The following PGS1 variants were observed in gnomAD, a reference collection of about 807,000 sequenced individuals.
PGS1 encodes the protein CDP-diacylglycerol--glycerol-3-phosphate 3-phosphatidyltransferase, mitochondrial.
PGS1 carries 44 observed loss-of-function variants against 58.3 expected under a neutral mutation model. The observed-to-expected ratio is 0.75, with a 90% CI of 0.59 to 0.97. The LOEUF (loss-of-function observed/expected upper bound fraction) is 0.97, where lower values mean the gene tolerates loss of function less well. Ranked by LOEUF, PGS1 falls within the 50% of genes least tolerant of loss-of-function variation. The pLI, the probability that PGS1 is intolerant of heterozygous loss-of-function variation, is 0.00. For synonymous variants in PGS1, 330 were observed against 311.0 expected (o/e 1.06, Z -0.64); for missense variants, 684 against 731.1 (o/e 0.94, Z 0.74).
intron 1 of PGS1, among the ~76,000 whole-genome samples, chr17:78,379,624 A>C (rs2081892663): frequency 6.6e-6 from 1 of 151,952 alleles, no homozygotes; most frequent in African/African-American, 2.4e-5. Context: ...TCAGGAGTTT[A>C]AGACCAGCCT....
At chr17:78,420,518 G>C (rs531736904) in intron 9 of PGS1, 1 of 147,982 alleles carries the variant, frequency 6.8e-6, no homozygotes, top group South Asian at 2.1e-4. Flanking sequence ...TTGGATGGCT[G>C]GGCCTTTGGA....
intron 7 of PGS1, among the ~76,000 whole-genome samples, chr17:78,413,911 C>T (rs921978931): frequency 6.6e-6 from 1 of 151,914 alleles, no homozygotes; most frequent in Non-Finnish European, 1.5e-5. Context: ...CGTAGTGTGG[C>T]CCCCCCTGCC....
chr17:78,409,486 C>A (rs2084441024), intron 7 of PGS1, among the ~76,000 whole-genome samples: 2 of 152,246 alleles, frequency 1.3e-5, no homozygotes, highest in South Asian at 4.1e-4. Context: ...AGGCGGGCAG[C>A]CCCACCCTGT....
chr17:78,395,592 G>A (rs1244547255), intron 2 of PGS1, among the ~76,000 whole-genome samples: 1 of 152,172 alleles, frequency 6.6e-6, no homozygotes, highest in African/African-American at 2.4e-5. Context: ...GAGCTGCTAG[G>A]GAGAGGCCCC....
chr17:78,381,645 C>CTG (rs758051498), intron 1 of PGS1, among the ~76,000 whole-genome samples: 64 of 152,258 alleles, frequency 4.2e-4, no homozygotes, highest in Middle Eastern at 3.4e-3. Flanking sequence ...GATAATAGTT[C>CTG]TGTGCAGTCA....
At position 78,398,319 on chromosome 17, in the gene PGS1, C is replaced by G; in HGVS notation, c.479C>G (p.Ser160Cys). The G allele has an allele frequency of 6.2e-7, 1 of 1,614,074 alleles. No individual in the cohort carries two copies. Among genetic ancestry groups the G allele is most frequent in the East Asian group, 2.2e-5 (1 of 44,880 alleles). ...QAKFPSNLKV[S>C]ILLDFTRGSR... ...AAGTTTCCTTCAAATCTCAAGGTCT[C>G]CATTCTCTTAGACTTCACGCGGGGC... The change falls in exon 4 of 10, where the codon TCC (serine) becomes TGC (cysteine). Residue 160 changes from serine to cysteine, a missense_variant. Coordinates refer to ENST00000262764, the MANE Select transcript of PGS1 (RefSeq NM_024419.5).
Position 78,424,241 on chromosome 17 carries a change from G to C in PGS1, c.*191G>C. On this transcript the variant is annotated 3_prime_UTR_variant, in exon 10 of 10. Coordinates refer to ENST00000262764, the MANE Select transcript of PGS1 (RefSeq NM_024419.5). ...GAAGGGTGGGGTCCTCACACTCCCCGCCCTCTGCAGAGCTGGGCTCTACCC... is the reference window on the plus strand; with the variant it reads ...GAAGGGTGGGGTCCTCACACTCCCCCCCCTCTGCAGAGCTGGGCTCTACCC... The C allele has an allele frequency of 6.8e-7, 1 of 1,471,502 alleles. No individual in the cohort carries two copies. Among genetic ancestry groups the C allele is most frequent in the Non-Finnish European group, 9.1e-7 (1 of 1,103,020 alleles). The allele number at this position is 1,471,502 out of a possible 1,614,324, so 91.2% of individuals were successfully genotyped here. A position where few individuals can be genotyped will look rare whatever the true frequency, so the allele number is the denominator to read the frequency against.
At position 78,396,349 on chromosome 17, in the gene PGS1, C is replaced by T; in HGVS notation, c.375C>T (p.Ser125=). 6.2e-7 allele frequency: 1 copy of T among 1,613,630 alleles called. No individual in the cohort carries two copies. ...RVAKRRVVMA[S]LYLGTGPLEQ... ...CCAAGAGGCGGGTCGTGATGGCATC[C>T]CTCTACCTGGGGACAGGTCCTTTGG... The change falls in exon 3 of 10, where the codon TCC becomes TCT. Residue 125 remains serine, a synonymous_variant. Transcript: ENST00000262764.
In PGS1 at chr17:78,392,561, G is replaced by T; in HGVS notation, c.229G>T (p.Val77Leu). 4 of 1,614,104 alleles carry T rather than the reference G, an allele frequency of 2.5e-6. No individual in the cohort carries two copies. Among genetic ancestry groups the T allele is most frequent in the Non-Finnish European group, 2.5e-6 (3 of 1,179,970 alleles). ...SPPCCLCPEG[V>L]HRFQWIRNLV... The stretch of plus-strand genomic sequence containing the variant: ...ACCTTGCTGCCTGTGTCCAGAAGGC[G>T]TGCACCGGTTCCAGTGGATCAGAAA... Residue 77 changes from valine (V) to leucine (L), a missense_variant, in exon 2 of 10, where the codon GTG (valine) becomes TTG (leucine). Transcript: ENST00000262764.
chr17:78,398,918 C>T (rs989096487), intron 4 of PGS1, among the ~76,000 whole-genome samples: 10 of 152,192 alleles, frequency 6.6e-5, no homozygotes, highest in Middle Eastern at 3.2e-3. Context: ...ACTGGCCTGA[C>T]GGTGGCATGC....
At chr17:78,383,975 C>T (rs924163064) in intron 1 of PGS1, among the ~76,000 whole-genome samples, 4 of 152,102 alleles carry the variant, frequency 2.6e-5, no homozygotes, top group Non-Finnish European at 4.4e-5. Context: ...GTAAACGGGT[C>T]GATTTTGAGG....
intron 1 of PGS1, among the ~76,000 whole-genome samples, chr17:78,388,002 CT>C (rs1273339462): frequency 6.6e-6 from 1 of 152,168 alleles, no homozygotes; most frequent in Non-Finnish European, 1.5e-5. Context: ...ATGCACCTTC[CT>C]TTTTTGGGTA....
chr17:78,424,485 G>A lies in PGS1; in HGVS notation c.*435G>A. 1 of 306,648 alleles carries A rather than the reference G, an allele frequency of 3.3e-6. No individual in the cohort carries two copies. Among genetic ancestry groups the A allele is most frequent in the Non-Finnish European group, 6.1e-6 (1 of 163,080 alleles). 19.0% of individuals were successfully genotyped at this position (306,648 alleles called of 1,614,324 possible). On this transcript the variant is annotated 3_prime_UTR_variant, in exon 10 of 10. Transcript: ENST00000262764. ...CTCCAGCTAAAAATTACAGAGTAAA[G>A]TTCCCTGATTCTTAATGTGTAATGT...
rs1368611346 is a variant in PGS1 at position 78,424,622 on chromosome 17, T to C, written c.*572T>C. ...CCTATTTAATGGTGTTTTTATTTCC[T>C]GTCTGAAATCTCAAAATAAACAAAC... On this transcript the variant is annotated 3_prime_UTR_variant, in exon 10 of 10. Transcript: ENST00000262764. 1 of 155,920 alleles carries C rather than the reference T, an allele frequency of 6.4e-6. No individual in the cohort carries two copies. Among genetic ancestry groups the C allele is most frequent in the Non-Finnish European group, 1.4e-5 (1 of 70,448 alleles). 9.7% of individuals were successfully genotyped at this position (155,920 alleles called of 1,614,324 possible). A position where few individuals can be genotyped will look rare whatever the true frequency, so the allele number is the denominator to read the frequency against.
chr17:78,404,174 T>A, intron 7 of PGS1, 85 bp downstream of exon 7: 1 of 1,376,958 alleles, frequency 7.3e-7, no homozygotes, highest in Non-Finnish European at 9.6e-7. Flanking sequence ...CGCCTACCTG[T>A]TAGAGTGCTG....
At chr17:78,399,587 G>T in intron 5 of PGS1, 50 bp downstream of exon 5, 5 of 1,575,722 alleles carry the variant, frequency 3.2e-6, no homozygotes, top group Non-Finnish European at 4.4e-6. Context: ...CTGCAGGCTG[G>T]AGGGCAGTGG....
Position 78,392,624 on chromosome 17 carries a change from A to G in PGS1, c.292A>G (p.Arg98Gly). 1 of 1,614,114 alleles carries G rather than the reference A, an allele frequency of 6.2e-7. No homozygotes were observed. The change falls in exon 2 of 10, where the codon AGG (arginine) becomes GGG (glycine). Residue 98 changes from arginine (R) to glycine (G), a missense_variant. Transcript: ENST00000262764. ...PEFGVSSSHV[R>G]VLSSPAEFFE... ...ATTTGGAGTCTCCAGTTCTCACGTT[A>G]GGGTGCTTTCTTCCCCGGCAGAGTT...
chr17:78,398,210 T>C (rs1156611928), intron 3 of PGS1, 42 bp from the exon 4 acceptor site: 1 of 1,380,338 alleles, frequency 7.2e-7, no homozygotes, highest in East Asian at 2.3e-5. Flanking sequence ...TACACACACC[T>C]CTTTGGGTCT....
chr17:78,386,099 G>A (rs2082365605), intron 1 of PGS1, among the ~76,000 whole-genome samples: 1 of 152,202 alleles, frequency 6.6e-6, no homozygotes, highest in African/African-American at 2.4e-5. Context: ...CAGATTCCAC[G>A]GGAAGCCTTA....
Sources: allele counts gnomAD v4.1 joint callset (sites outside exome capture counted in the v4.1 genomes callset), GRCh38; gene constraint gnomAD v4.1.1; transcripts MANE v1.5; gene names NCBI Gene and HGNC (gene_info 2026-07-23, HGNC 2026-07-21).